The following JMY variants were observed in gnomAD, a reference collection of about 807,000 sequenced individuals.
JMY encodes junction mediating and regulatory protein, p53 cofactor.
JMY carries 46 observed loss-of-function variants against 103.3 expected under a neutral mutation model. The observed-to-expected ratio is 0.45, with a 90% CI of 0.35 to 0.57. The LOEUF is 0.57. JMY is among the 20% of genes least tolerant of loss of function. The pLI, the probability that JMY is intolerant of heterozygous loss-of-function variation, is 0.00. For synonymous variants in JMY, 526 were observed against 489.3 expected, an observed-to-expected ratio of 1.07 and a Z score of -0.99; for missense variants, 1,238 against 1,255.2, an observed-to-expected ratio of 0.99 and a Z score of 0.21.
In JMY at chr5:79,278,010, A is replaced by T. The variant is rs764095029; in HGVS notation, c.1133A>T (p.Glu378Val). The change falls in exon 2 of 11, where the codon GAA becomes GTA. Residue 378 changes from glutamate (E) to valine (V), a missense_variant. Transcript: ENST00000396137. ...AYSSLAEATT[E>V]LYQYLLQPFR... Reference sequence around the variant, plus strand: ...AGCAGCCTTGCAGAAGCTACAACCGAACTCTATCAGTATTTACTACAGCCA... The same window carrying T: ...AGCAGCCTTGCAGAAGCTACAACCGTACTCTATCAGTATTTACTACAGCCA... The T allele has an allele frequency of 6.2e-7, 1 of 1,614,126 alleles. No homozygotes were observed. Among genetic ancestry groups the T allele is most frequent in the East Asian group, 2.2e-5 (1 of 44,882 alleles).
At chr5:79,287,051 C>G (rs1166269634) in intron 2 of JMY, among the ~76,000 whole-genome samples, 1 of 151,928 alleles carries the variant, frequency 6.6e-6, no homozygotes, top group East Asian at 1.9e-4. Context: ...TTGCCTGGTG[C>G]TCAATGGAGA....
chr5:79,248,044 C>T (rs1271627844), intron 1 of JMY, among the ~76,000 whole-genome samples: 1 of 151,502 alleles, frequency 6.6e-6, no homozygotes, highest in Non-Finnish European at 1.5e-5. Context: ...AGGTACACAC[C>T]ACCACACCTG....
At chr5:79,269,371 G>C (rs1745675818) in intron 1 of JMY, among the ~76,000 whole-genome samples, 1 of 152,200 alleles carries the variant, frequency 6.6e-6, no homozygotes, top group African/African-American at 2.4e-5. Flanking sequence ...GAAAGAGGTT[G>C]AGGAGTGTCA....
chr5:79,250,280 A>G (rs1745038096), intron 1 of JMY, among the ~76,000 whole-genome samples: 2 of 152,172 alleles, frequency 1.3e-5, no homozygotes, highest in South Asian at 4.1e-4. Flanking sequence ...CTCCATAGGA[A>G]CTCCTAGTAC....
chr5:79,321,075 T>C (rs1163568470), intron 10 of JMY, among the ~76,000 whole-genome samples: 1 of 152,246 alleles, frequency 6.6e-6, no homozygotes, highest in Non-Finnish European at 1.5e-5. Context: ...TATTAGAAAA[T>C]GCAGAACTGT....
Position 79,245,842 on chromosome 5 carries a change from T to A in JMY, c.1032+8160T>A, listed in dbSNP as rs1580326261. The stretch of plus-strand genomic sequence containing the variant: ...GTTTTCACTGTGTTGGCCAGGCTGG[T>A]CTTGAACTCCTAAACTCAGGTATCC... On this transcript the variant is annotated intron_variant, in intron 1 of 10. Coordinates refer to ENST00000396137, the MANE Select transcript of JMY (RefSeq NM_152405.5). 1.3e-5 allele frequency among the ~76,000 whole-genome samples: 2 copies of A among 152,206 alleles called. 1 individual carries two copies. The highest frequency in any genetic ancestry group is 1.3e-4 in the Admixed American group (2 of 15,272).
chr5:79,287,056 T>A (rs1746290406), intron 2 of JMY, among the ~76,000 whole-genome samples: 1 of 152,042 alleles, frequency 6.6e-6, no homozygotes, highest in South Asian at 2.1e-4. Flanking sequence ...TGGTGCTCAA[T>A]GGAGAGACCT....
intron 1 of JMY, among the ~76,000 whole-genome samples, chr5:79,244,494 T>A (rs532998303): frequency 6.6e-6 from 1 of 152,358 alleles, no homozygotes; most frequent in South Asian, 2.1e-4. Flanking sequence ...ATTAGCCATC[T>A]TATCTTTGCA....
intron 1 of JMY, among the ~76,000 whole-genome samples, chr5:79,265,533 C>A (rs1386730737): frequency 6.6e-6 from 1 of 151,720 alleles, no homozygotes; most frequent in Admixed American, 6.6e-5. Context: ...TAGCAAGGTA[C>A]CGTCACTTTG....
At position 79,314,700 on chromosome 5, in the gene JMY, A is replaced by C. The variant is rs756188697; in HGVS notation, c.2508A>C (p.Thr836=). The part of the protein sequence containing the change: ...LPVAKDSGPE[T]LEKDLPRKEG... ...TTGCTAAGGACAGTGGCCCAGAGACACTGGAGAAAGATCTGCCTAGAAAGG... is the reference window on the plus strand; with the variant it reads ...TTGCTAAGGACAGTGGCCCAGAGACCCTGGAGAAAGATCTGCCTAGAAAGG... Residue 836 remains threonine (T), a synonymous_variant, in exon 9 of 11, where the codon ACA becomes ACC. Transcript: ENST00000396137. The C allele has an allele frequency of 3.8e-6, 6 of 1,574,892 alleles. No individual in the cohort carries two copies. Among genetic ancestry groups the C allele is most frequent in the Non-Finnish European group, 5.2e-6 (6 of 1,160,722 alleles).
chr5:79,313,738 T>G (rs1445610489), intron 8 of JMY, among the ~76,000 whole-genome samples: 1 of 152,252 alleles, frequency 6.6e-6, no homozygotes, highest in Non-Finnish European at 1.5e-5. Context: ...AATCATAATT[T>G]TGAATATTTG....
intron 4 of JMY, among the ~76,000 whole-genome samples, chr5:79,293,796 C>A (rs1045782996): frequency 6.6e-6 from 1 of 152,066 alleles, no homozygotes; most frequent in African/African-American, 2.4e-5. Context: ...TGAAAGAATC[C>A]TTTGTGAGTT....
chr5:79,248,276 A>G (rs116471718), intron 1 of JMY, among the ~76,000 whole-genome samples: 103 of 151,622 alleles, frequency 6.8e-4, no homozygotes, highest in African/African-American at 2.4e-3. Context: ...TTCCATTTTA[A>G]ATAGTCCATA....
Position 79,316,290 on chromosome 5 carries a change from A to G in JMY, c.2950A>G (p.Thr984Ala). 2.5e-6 allele frequency: 4 copies of G among 1,610,634 alleles called. No homozygotes were observed. Among genetic ancestry groups the G allele is most frequent in the South Asian group, 2.2e-5 (2 of 90,336 alleles). The change falls in exon 10 of 11, where the codon ACA (threonine) becomes GCA (alanine). Residue 984 changes from threonine (T) to alanine (A), a missense_variant. Transcript: ENST00000396137. ...SEDEEEALPC[T>A]DWEN ...GGACGAAGAGGAGGCTTTACCTTGC[A>G]CAGACTGGGAGAACTAACAAGTAAA...
intron 1 of JMY, among the ~76,000 whole-genome samples, chr5:79,245,665 G>A (rs1051057063): frequency 1.5e-4 from 23 of 152,018 alleles, no homozygotes; most frequent in Admixed American, 8.5e-4. Context: ...TCACTCTGTC[G>A]CCCAGACTGG....
chr5:79,320,718 CAT>C lies in JMY; in HGVS notation c.*4-887_*4-886del, dbSNP rs1223279289. Among the ~76,000 whole-genome samples the C allele has an allele frequency of 2.6e-5, 4 of 152,146 alleles. No homozygotes were observed. The South Asian group carries it at 6.2e-4, about 24-fold the overall frequency. On this transcript the variant is annotated intron_variant, in intron 10 of 10. Transcript: ENST00000396137. ...TAGTCACATCAAAAATGAAAAGGAA[CAT>C]GTGAAACTGATGTTTGTAATATTTT...
Position 79,276,164 on chromosome 5 carries a change from G to A in JMY, c.1033-1746G>A, listed in dbSNP as rs1427601357. 2.0e-5 allele frequency among the ~76,000 whole-genome samples: 3 copies of A among 152,156 alleles called. No individual in the cohort carries two copies. In the East Asian group the frequency reaches 5.8e-4, roughly 29 times the overall value. ...GATGGAGTCTCACTCTGTCACCCAG[G>A]CTGGAGTGCAATGGTACAGTCTTGG... On this transcript the variant is annotated intron_variant, in intron 1 of 10. Coordinates refer to ENST00000396137, the MANE Select transcript of JMY (RefSeq NM_152405.5).
At chr5:79,238,507 C>A (rs557115233) in intron 1 of JMY, among the ~76,000 whole-genome samples, 20 of 152,254 alleles carry the variant, frequency 1.3e-4, no homozygotes, top group African/African-American at 4.6e-4. Flanking sequence ...GCTGAAGGAA[C>A]TTTACTAAAA....
intron 1 of JMY, among the ~76,000 whole-genome samples, chr5:79,259,025 G>T (rs1045000204): frequency 6.6e-6 from 1 of 152,142 alleles, no homozygotes; most frequent in Non-Finnish European, 1.5e-5. Flanking sequence ...CAACTCAGAG[G>T]AGACCTGTAG....
Sources: allele counts gnomAD v4.1 joint callset (sites outside exome capture counted in the v4.1 genomes callset), GRCh38; gene constraint gnomAD v4.1.1; transcripts MANE v1.5; gene names NCBI Gene and HGNC (gene_info 2026-07-23, HGNC 2026-07-21).